Variants in MYO10 observed in about 807,000 individuals in gnomAD.
MYO10 encodes myosin X.
Under a neutral mutation model 257.3 loss-of-function variants are expected in MYO10, and 133 were observed. The observed-to-expected ratio is 0.52, with a 90% CI of 0.45 to 0.60. MYO10 has a LOEUF of 0.60. MYO10 is among the 20% of genes least tolerant of loss of function. The pLI is 0.00. For synonymous variants in MYO10, 1,104 were observed against 1,028.6 expected, an observed-to-expected ratio of 1.07 and a Z score of -1.40; for missense variants, 2,399 against 2,635.7, an observed-to-expected ratio of 0.91 and a Z score of 1.97.
At chr5:16,825,833 A>G (rs910293180) in intron 2 of MYO10, among the ~76,000 whole-genome samples, 7 of 152,202 alleles carry the variant, frequency 4.6e-5, no homozygotes, top group Non-Finnish European at 1.0e-4. Context: ...TGGACAAGAC[A>G]GCGAGACCCT....
chr5:16,676,292 A>C (rs1579801496), intron 33 of MYO10, 138 bp from the exon 34 acceptor site: 1 of 961,888 alleles, frequency 1.0e-6, no homozygotes, highest in East Asian at 2.8e-5. Flanking sequence ...TTCATGGACG[A>C]AGATACCCAT....
intron 26 of MYO10, among the ~76,000 whole-genome samples, chr5:16,695,062 G>A (rs773275404): frequency 4.6e-5 from 7 of 152,270 alleles, no homozygotes; most frequent in Middle Eastern, 3.4e-3. Context: ...GGCCAGGAGC[G>A]GTGGCTCATG....
intron 19 of MYO10, chr5:16,741,755 C>T: frequency 4.2e-6 from 4 of 962,578 alleles, no homozygotes; most frequent in Non-Finnish European, 4.9e-6. Context: ...ATCATCATGG[C>T]AAGTTACATG....
At chr5:16,764,090 T>C (rs1740797898) in intron 12 of MYO10, among the ~76,000 whole-genome samples, 160 bp downstream of exon 12, 1 of 151,142 alleles carries the variant, frequency 6.6e-6, no homozygotes, top group African/African-American at 2.4e-5. Context: ...GAAGTTGCAG[T>C]GAGCTGTGAT....
Position 16,701,749 on chromosome 5 carries a change from C to T in MYO10, c.2646G>A (p.Lys882=). 1.7e-5 allele frequency: 27 copies of T among 1,614,006 alleles called. No individual in the cohort carries two copies. Among genetic ancestry groups the T allele is most frequent in the Non-Finnish European group, 2.3e-5 (27 of 1,179,908 alleles). The change falls in exon 25 of 41, where the codon AAG becomes AAA. Residue 882 remains lysine, a synonymous_variant. Coordinates refer to ENST00000513610, the MANE Select transcript of MYO10 (RefSeq NM_012334.3). The surrounding 1 kb of genome is among the most constrained non-coding windows in gnomAD (Gnocchi z 8.1). ...AELTRELEKQ[K]ENKQVEEILR... ...GGATCTCTTCCACCTGCTTATTTTC[C>T]TTCTGTTTCTCCAGTTCACGGGTCA...
intron 26 of MYO10, among the ~76,000 whole-genome samples, chr5:16,699,066 G>A (rs1737903103): frequency 6.6e-6 from 1 of 152,116 alleles, no homozygotes; most frequent in Non-Finnish European, 1.5e-5. Context: ...GAAAGTGGGA[G>A]AGAGAGGGAG....
chr5:16,826,923 C>T (rs1045885474), intron 2 of MYO10, among the ~76,000 whole-genome samples: 1 of 152,068 alleles, frequency 6.6e-6, no homozygotes, highest in African/African-American at 2.4e-5. Flanking sequence ...CTTCACTGAC[C>T]CTGTGCTTTC....
At chr5:16,887,971 G>T (rs969524795) in intron 1 of MYO10, among the ~76,000 whole-genome samples, 1 of 152,142 alleles carries the variant, frequency 6.6e-6, no homozygotes, top group Admixed American at 6.6e-5. Flanking sequence ...GGAATGTGAC[G>T]ATACAACAAA....
intron 31 of MYO10, 93 bp from the exon 32 acceptor site, chr5:16,681,596 G>A (rs1737004416): frequency 3.9e-6 from 5 of 1,294,006 alleles, no homozygotes; most frequent in Non-Finnish European, 5.3e-6. Context: ...CATGGGTGGG[G>A]TTTCTAGCTG....
intron 32 of MYO10, among the ~76,000 whole-genome samples, chr5:16,680,919 G>A (rs1396675044): frequency 6.6e-6 from 1 of 152,166 alleles, no homozygotes. Context: ...GATTGCTTGA[G>A]CCCTGGAAGG....
chr5:16,919,330 A>C (rs1745916214), intron 1 of MYO10, among the ~76,000 whole-genome samples: 1 of 152,166 alleles, frequency 6.6e-6, no homozygotes, highest in East Asian at 1.9e-4. Flanking sequence ...GTGAGCAGAG[A>C]TCATGCCACT....
Position 16,703,106 on chromosome 5 carries a change from T to C in MYO10, c.2329A>G (p.Arg777Gly). The change falls in exon 23 of 41, where the codon AGA becomes GGA. Residue 777 changes from arginine to glycine, a missense_variant. Around this residue, in one of 3 missense-constraint regions of MYO10, gnomAD observed 1,820 missense variants for 1,939.4 expected, o/e 0.94. Transcript: ENST00000513610. ...AATCTCCTCCTCAGAAGGAATGCTC[T>C]GTAATTCTTCTGTATTATCACCACA... ...YCVVIIQKNY[R>G]AFLLRRRFLH... is the part of the protein sequence containing the mutation. 2 of 1,591,568 alleles carry C rather than the reference T, an allele frequency of 1.3e-6. No homozygotes were observed. Among genetic ancestry groups the C allele is most frequent in the Non-Finnish European group, 1.7e-6 (2 of 1,167,820 alleles).
At chr5:16,900,033 C>G (rs1485900068) in intron 1 of MYO10, among the ~76,000 whole-genome samples, 2 of 135,798 alleles carry the variant, frequency 1.5e-5, no homozygotes, top group African/African-American at 5.4e-5. Flanking sequence ...AAGATTTAAA[C>G]AGCTCTGGGA....
intron 32 of MYO10, among the ~76,000 whole-genome samples, chr5:16,680,423 G>A (rs960188918): frequency 3.3e-5 from 5 of 152,202 alleles, no homozygotes; most frequent in Middle Eastern, 3.4e-3. Context: ...TTGGGCTCTG[G>A]AACAGGAGTG....
In MYO10 at chr5:16,665,725, T is replaced by C. The variant is rs1298042156; in HGVS notation, c.*967A>G. The stretch of plus-strand genomic sequence containing the variant: ...CACTTTGTTTTTAACTTAAATCTTT[T>C]AGACATGAAAGACTCCAAAATGACT... On this transcript the variant is annotated 3_prime_UTR_variant, in exon 41 of 41. Coordinates refer to ENST00000513610, the MANE Select transcript of MYO10 (RefSeq NM_012334.3). The C allele has an allele frequency of 3.9e-5, 6 of 152,638 alleles. No homozygotes were observed. The East Asian group carries it at 1.2e-3, about 29-fold the overall frequency. The allele number at this position is 152,638 out of a possible 1,614,324, so 9.5% of individuals were successfully genotyped here. A position where few individuals can be genotyped will look rare whatever the true frequency, so the allele number is the denominator to read the frequency against.
At chr5:16,827,132 C>T (rs1191164786) in intron 2 of MYO10, among the ~76,000 whole-genome samples, 1 of 152,146 alleles carries the variant, frequency 6.6e-6, no homozygotes, top group African/African-American at 2.4e-5. Flanking sequence ...CGTCAAGTCC[C>T]CTAGAGAATT....
At chr5:16,811,282 C>T (rs1742431718) in intron 3 of MYO10, among the ~76,000 whole-genome samples, 2 of 152,058 alleles carry the variant, frequency 1.3e-5, no homozygotes, top group Admixed American at 6.5e-5. Context: ...CCAGTAGCGT[C>T]GCTTGACCGT....
chr5:16,672,093 G>C (rs1736492883), intron 37 of MYO10, among the ~76,000 whole-genome samples: 1 of 152,120 alleles, frequency 6.6e-6, no homozygotes, highest in South Asian at 2.1e-4. Flanking sequence ...TCAGGAGTTT[G>C]GGACTAGCCT....
intron 26 of MYO10, among the ~76,000 whole-genome samples, chr5:16,695,683 A>T (rs35904017): frequency 0.2 from 30,769 of 152,122 alleles, 3,226 homozygotes; most frequent in East Asian, 0.26. Context: ...TCAACATCTG[A>T]CACACATCTG....
Sources: gnomAD v4.1 joint callset for allele counts (sites outside exome capture counted in the v4.1 genomes callset) on GRCh38, gnomAD v4.1.1 for gene constraint, gnomAD v4.1.1 regional missense constraint, Gnocchi (gnomAD v3.1) non-coding constraint, MANE v1.5 for transcripts, NCBI Gene and HGNC (gene_info 2026-07-23, HGNC 2026-07-21) for gene names.